The following ADGRA3 variants were observed in gnomAD, a reference collection of about 807,000 sequenced individuals.
The protein encoded by ADGRA3 is G-protein coupled receptor 125.
In ADGRA3, 56 loss-of-function variants were observed where a neutral mutation model predicts 119.8. The ratio of observed to expected loss-of-function variants is 0.47; its 90% CI spans 0.38 to 0.58. The LOEUF (loss-of-function observed/expected upper bound fraction) is 0.58. ADGRA3 is among the 20% of genes least tolerant of loss of function. The pLI, the probability that ADGRA3 is intolerant of heterozygous loss-of-function variation, is 0.00. For synonymous variants in ADGRA3, 607 were observed against 623.8 expected (o/e 0.97, Z 0.40); for missense variants, 1,516 against 1,649.0 (o/e 0.92, Z 1.40).
At chr4:22,463,101 G>A (rs915221378) in intron 2 of ADGRA3, among the ~76,000 whole-genome samples, 2 of 152,198 alleles carry the variant, frequency 1.3e-5, no homozygotes, top group Non-Finnish European at 2.9e-5. Context: ...ATCTCCCAGG[G>A]AAGCTGAAGC....
chr4:22,470,000 G>C (rs939093660), intron 2 of ADGRA3, among the ~76,000 whole-genome samples: 2 of 152,112 alleles, frequency 1.3e-5, no homozygotes, highest in African/African-American at 4.8e-5. Flanking sequence ...TACTGCATAT[G>C]TTCCATAAAC....
At chr4:22,431,959 C>T (rs1462995) in intron 10 of ADGRA3, among the ~76,000 whole-genome samples, 101,290 of 151,820 alleles carry the variant, frequency 0.67, 34,547 homozygotes, top group Non-Finnish European at 0.74. Context: ...GGTTTCATTA[C>T]ATATCATTTC....
chr4:22,507,275 C>T (rs1224194726), intron 1 of ADGRA3, among the ~76,000 whole-genome samples: 1 of 152,040 alleles, frequency 6.6e-6, no homozygotes, highest in Non-Finnish European at 1.5e-5. Flanking sequence ...GCTACCAATA[C>T]TCAAAGAACT....
At chr4:22,406,728 C>G (rs561041666) in intron 14 of ADGRA3, among the ~76,000 whole-genome samples, 3 of 152,002 alleles carry the variant, frequency 2.0e-5, no homozygotes, top group African/African-American at 7.2e-5. Flanking sequence ...CCTGCCCACA[C>G]GCAAAGAGGT....
chr4:22,496,926 C>T (rs1718849561), intron 1 of ADGRA3, among the ~76,000 whole-genome samples: 1 of 152,208 alleles, frequency 6.6e-6, no homozygotes, highest in Admixed American at 6.5e-5. Flanking sequence ...CCCTGATAAG[C>T]TCACAAAGCA....
intron 10 of ADGRA3, among the ~76,000 whole-genome samples, chr4:22,430,638 G>A (rs1229308094): frequency 6.6e-6 from 1 of 151,894 alleles, no homozygotes. Context: ...TGGAAAATTT[G>A]CACCTTGACA....
chr4:22,410,123 G>T (rs930112554), intron 14 of ADGRA3, among the ~76,000 whole-genome samples: 1 of 150,934 alleles, frequency 6.6e-6, no homozygotes, highest in Non-Finnish European at 1.5e-5. Flanking sequence ...AAATGTAAAA[G>T]AATCACTAGA....
intron 12 of ADGRA3, among the ~76,000 whole-genome samples, chr4:22,419,541 C>T (rs974580396): frequency 6.6e-6 from 1 of 152,086 alleles, no homozygotes; most frequent in African/African-American, 2.4e-5. Context: ...CATCTAAAGC[C>T]TTCTACTTTA....
rs1460672477 is a variant in ADGRA3, at chr4:22,388,916, C to T, written c.2755G>A (p.Ala919Thr). 6.2e-7 allele frequency: 1 copy of T among 1,614,066 alleles called. No homozygotes were observed. The highest frequency in any genetic ancestry group is 1.3e-5 in the African/African-American group (1 of 75,026). The change falls in exon 19 of 19, where the codon GCC becomes ACC. Residue 919 changes from alanine (A) to threonine (T), a missense_variant. By Grantham distance (58) the Ala-to-Thr change is moderately conservative. Around this residue, in one of 2 missense-constraint regions of ADGRA3, gnomAD observed 1,088 missense variants for 1,107.1 expected, o/e 0.98. Coordinates refer to ENST00000334304, the MANE Select transcript of ADGRA3 (RefSeq NM_145290.4). ...CWMAWEPSLG[A>T]FYGPASFITF... ...ATGAAGCTGGCTGGCCCATAGAAGGCTCCCAAGGAGGGTTCCCATGCCATC... is the reference window on the plus strand; with the variant it reads ...ATGAAGCTGGCTGGCCCATAGAAGGTTCCCAAGGAGGGTTCCCATGCCATC...
chr4:22,410,792 ATT>A (rs1441241163), intron 14 of ADGRA3, among the ~76,000 whole-genome samples: 2 of 152,168 alleles, frequency 1.3e-5, no homozygotes, highest in East Asian at 3.8e-4. Context: ...AGTAACTTTA[ATT>A]TTGTCAACAA....
intron 2 of ADGRA3, among the ~76,000 whole-genome samples, chr4:22,469,726 T>C (rs1335331694): frequency 6.6e-6 from 1 of 152,200 alleles, no homozygotes; most frequent in Non-Finnish European, 1.5e-5. Context: ...TGGTCTAGTC[T>C]AGGGCACTGG....
At chr4:22,456,622 T>C (rs994948060) in intron 3 of ADGRA3, among the ~76,000 whole-genome samples, 3 of 152,222 alleles carry the variant, frequency 2.0e-5, no homozygotes, top group Non-Finnish European at 2.9e-5. Context: ...TTCCAGACTT[T>C]GATTGAGCTA....
chr4:22,430,014 C>T (rs373404928), intron 10 of ADGRA3, among the ~76,000 whole-genome samples: 13 of 152,116 alleles, frequency 8.5e-5, no homozygotes, highest in Admixed American at 5.9e-4. Context: ...CTCACGATAT[C>T]TGATGGTATT....
chr4:22,408,753 T>C (rs541179117), intron 14 of ADGRA3, among the ~76,000 whole-genome samples: 62 of 152,260 alleles, frequency 4.1e-4, no homozygotes, highest in African/African-American at 1.4e-3. Flanking sequence ...GCTAAACACA[T>C]GGAAAGCCTA....
intron 1 of ADGRA3, among the ~76,000 whole-genome samples, chr4:22,496,337 T>G (rs532125435): frequency 2.6e-5 from 4 of 152,184 alleles, no homozygotes; most frequent in African/African-American, 7.2e-5. Context: ...AAGCACAAAT[T>G]AGGGATAATC....
intron 16 of ADGRA3, among the ~76,000 whole-genome samples, chr4:22,400,455 G>A (rs762768591): frequency 6.6e-5 from 10 of 152,210 alleles, no homozygotes; most frequent in Non-Finnish European, 1.2e-4. Flanking sequence ...GACAAATACT[G>A]CATGATTCCA....
intron 6 of ADGRA3, 39 bp downstream of exon 6, chr4:22,444,934 A>G: frequency 6.2e-7 from 1 of 1,605,612 alleles, no homozygotes; most frequent in Non-Finnish European, 8.5e-7. Flanking sequence ...GCAAGTCAAA[A>G]TATGGTAAAT....
chr4:22,500,286 C>A (rs1178331078), intron 1 of ADGRA3, among the ~76,000 whole-genome samples: 2 of 152,308 alleles, frequency 1.3e-5, no homozygotes, highest in East Asian at 3.9e-4. Context: ...AGAAGCCAGG[C>A]CCAGCAGCCT....
intron 5 of ADGRA3, 49 bp from the exon 6 acceptor site, chr4:22,445,182 A>G (rs751150460): frequency 3.2e-6 from 5 of 1,555,104 alleles, no homozygotes; most frequent in Non-Finnish European, 4.4e-6. Context: ...AAAATTAAAT[A>G]GCACTTTTGT....
Sources: allele counts gnomAD v4.1 joint callset (sites outside exome capture counted in the v4.1 genomes callset), GRCh38; gene constraint gnomAD v4.1.1; regional missense constraint gnomAD v4.1.1; transcripts MANE v1.5; gene names NCBI Gene and HGNC (gene_info 2026-07-23, HGNC 2026-07-21).